The following UNC5C variants were observed in gnomAD, a reference collection of about 807,000 sequenced individuals.
The protein encoded by UNC5C is unc-5 netrin receptor C.
Under a neutral mutation model 99.8 loss-of-function variants are expected in UNC5C, and 47 were observed. That is an observed-to-expected ratio of 0.47 (90% CI 0.37 to 0.60). The LOEUF (loss-of-function observed/expected upper bound fraction) is 0.60, where lower values mean the gene tolerates loss of function less well. Ranked by LOEUF, UNC5C falls within the 20% of genes least tolerant of loss-of-function variation. The pLI is 0.00. For missense variants in UNC5C, 1,062 were observed against 1,165.9 expected (o/e 0.91, Z 1.30); for synonymous variants, 487 against 452.2 (o/e 1.08, Z -0.98).
chr4:95,480,287 G>T (rs1721098155), intron 1 of UNC5C, among the ~76,000 whole-genome samples: 1 of 151,796 alleles, frequency 6.6e-6, no homozygotes, highest in African/African-American at 2.4e-5. Flanking sequence ...ATGTGTTTGT[G>T]TGTGTATATA....
chr4:95,169,215 T>C lies in UNC5C; in HGVS notation c.*19A>G, dbSNP rs202012909. The C allele has an allele frequency of 3.6e-5, 58 of 1,612,290 alleles. No individual in the cohort carries two copies. In the Admixed American group the frequency reaches 9.0e-4, roughly 25 times the overall value. ...TCCCTGTGCATTTTTGTCCTTCATT[T>C]CCCCTTCCAGCATGGTGGTTAATAC... On this transcript the variant is annotated 3_prime_UTR_variant, in exon 16 of 16. Transcript: ENST00000453304.
chr4:95,275,339 TTATAA>T lies in UNC5C; in HGVS notation c.594+2915_594+2919del, dbSNP rs546958534. ...GTTTGGTCTTGTGTGAATTAAAAAATTATAATATAACAATAGTACCAATGTTTCTT... is the reference window on the plus strand; with the variant it reads ...GTTTGGTCTTGTGTGAATTAAAAAATTATAACAATAGTACCAATGTTTCTT... On this transcript the variant is annotated intron_variant, in intron 4 of 15. Coordinates refer to ENST00000453304, the MANE Select transcript of UNC5C (RefSeq NM_003728.4). Among the ~76,000 whole-genome samples, 264 of 152,284 alleles carry T rather than the reference TTATAA, an allele frequency of 1.7e-3. 1 individual carries two copies. The highest frequency in any genetic ancestry group is 6.1e-3 in the African/African-American group (253 of 41,560).
intron 1 of UNC5C, among the ~76,000 whole-genome samples, chr4:95,393,589 AT>A (rs558654446): frequency 6.6e-6 from 1 of 152,096 alleles, no homozygotes. Flanking sequence ...CAAATATTTA[AT>A]TTTTTGTTGT....
intron 1 of UNC5C, among the ~76,000 whole-genome samples, chr4:95,501,401 GAAGTT>G (rs1371104463): frequency 1.3e-5 from 2 of 152,088 alleles, no homozygotes; most frequent in African/African-American, 4.8e-5. Flanking sequence ...TTAATTAAGA[GAAGTT>G]AAAAGAAGTT....
intron 4 of UNC5C, among the ~76,000 whole-genome samples, chr4:95,258,131 C>G (rs1302247872): frequency 2.0e-5 from 3 of 152,156 alleles, no homozygotes; most frequent in Non-Finnish European, 4.4e-5. Context: ...CTTATATACA[C>G]TGTATATAAA....
chr4:95,541,091 C>T (rs542640204), intron 1 of UNC5C, among the ~76,000 whole-genome samples: 2 of 152,152 alleles, frequency 1.3e-5, no homozygotes, highest in East Asian at 3.9e-4. Context: ...ATAGAAGAGT[C>T]CCAAATTGCT....
intron 1 of UNC5C, among the ~76,000 whole-genome samples, chr4:95,482,541 T>C (rs1721192558): frequency 6.7e-6 from 1 of 149,448 alleles, no homozygotes; most frequent in South Asian, 2.1e-4. Flanking sequence ...ATCATGCTGC[T>C]ATAAAGACAC....
chr4:95,169,499 T>G, intron 15 of UNC5C, 100 bp from the exon 16 acceptor site: 1 of 1,373,554 alleles, frequency 7.3e-7, no homozygotes, highest in Non-Finnish European at 9.9e-7. Context: ...TTAAGTTTCC[T>G]GGTCCCATTG....
chr4:95,359,738 C>T (rs1433048184), intron 1 of UNC5C, among the ~76,000 whole-genome samples: 3 of 152,118 alleles, frequency 2.0e-5, no homozygotes, highest in Admixed American at 6.6e-5. Context: ...AAACATGACA[C>T]TGCCTCCCAA....
At chr4:95,200,713 C>T (rs529779594) in intron 12 of UNC5C, among the ~76,000 whole-genome samples, 28 of 152,270 alleles carry the variant, frequency 1.8e-4, no homozygotes, top group Middle Eastern at 6.8e-3. Context: ...ATCAACATAA[C>T]GTAGTTGGTT....
chr4:95,456,700 G>A (rs1415682538), intron 1 of UNC5C, among the ~76,000 whole-genome samples: 1 of 152,050 alleles, frequency 6.6e-6, no homozygotes, highest in Non-Finnish European at 1.5e-5. Context: ...GTGAAGTTAT[G>A]TACCAATGTG....
At chr4:95,298,513 T>A (rs1741755446) in intron 3 of UNC5C, among the ~76,000 whole-genome samples, 1 of 152,010 alleles carries the variant, frequency 6.6e-6, no homozygotes, top group Admixed American at 6.5e-5. Flanking sequence ...TGCCTCAGGG[T>A]TTTTGTGCCA....
chr4:95,259,208 A>C (rs1452460130), intron 4 of UNC5C, among the ~76,000 whole-genome samples: 1 of 152,110 alleles, frequency 6.6e-6, no homozygotes, highest in Non-Finnish European at 1.5e-5. Flanking sequence ...TATGCCTTAG[A>C]GTCCTCATTT....
chr4:95,432,855 T>A (rs762430558), intron 1 of UNC5C, among the ~76,000 whole-genome samples: 1 of 152,098 alleles, frequency 6.6e-6, no homozygotes, highest in Non-Finnish European at 1.5e-5. Context: ...TAGCAACTCA[T>A]CAAGGAAAAG....
At chr4:95,431,668 A>T (rs1298486670) in intron 1 of UNC5C, among the ~76,000 whole-genome samples, 1 of 152,124 alleles carries the variant, frequency 6.6e-6, no homozygotes, top group Admixed American at 6.6e-5. Flanking sequence ...CATGTCCTAC[A>T]CATGTCATTC....
chr4:95,289,222 G>C (rs1579298699), intron 3 of UNC5C, among the ~76,000 whole-genome samples: 1 of 152,280 alleles, frequency 6.6e-6, no homozygotes, highest in East Asian at 1.9e-4. Flanking sequence ...CCCTAAATCA[G>C]CATTGCTGTC....
intron 11 of UNC5C, among the ~76,000 whole-genome samples, chr4:95,203,870 C>T (rs1208812326): frequency 6.6e-6 from 1 of 152,166 alleles, no homozygotes; most frequent in Non-Finnish European, 1.5e-5. Flanking sequence ...AACACTCAAC[C>T]TAGATCATGT....
intron 1 of UNC5C, among the ~76,000 whole-genome samples, chr4:95,513,168 C>T (rs181253633): frequency 8.5e-5 from 13 of 152,292 alleles, no homozygotes; most frequent in South Asian, 8.3e-4. Context: ...CCATGGATTA[C>T]ATCCCGGCAT....
At chr4:95,312,071 C>T (rs1381581070) in intron 2 of UNC5C, among the ~76,000 whole-genome samples, 1 of 150,378 alleles carries the variant, frequency 6.6e-6, no homozygotes, top group Non-Finnish European at 1.5e-5. Context: ...CAAACAAAAA[C>T]AACAACAACA....
Sources: allele counts gnomAD v4.1 joint callset (sites outside exome capture counted in the v4.1 genomes callset), GRCh38; gene constraint gnomAD v4.1.1; transcripts MANE v1.5; gene names NCBI Gene and HGNC (gene_info 2026-07-23, HGNC 2026-07-21).